Variants in EEF2K observed in about 807,000 individuals in gnomAD.
The protein encoded by EEF2K is alternative protein EEF2K.
EEF2K carries 70 observed loss-of-function variants against 93.8 expected under a neutral mutation model. The ratio of observed to expected loss-of-function variants is 0.75; its 90% CI spans 0.62 to 0.91. EEF2K has a LOEUF of 0.91. Ranked by LOEUF, EEF2K falls within the 40% of genes least tolerant of loss-of-function variation. The pLI is 0.00. For synonymous variants in EEF2K, 376 were observed against 380.8 expected (o/e 0.99, Z 0.15); for missense variants, 935 against 972.9 (o/e 0.96, Z 0.52).
intron 2 of EEF2K, among the ~76,000 whole-genome samples, chr16:22,230,355 A>G (rs567541053): frequency 6.6e-6 from 1 of 152,154 alleles, no homozygotes; most frequent in East Asian, 1.9e-4. Flanking sequence ...CTGGAACCAC[A>G]GGTGCACGCC....
At chr16:22,275,215 C>T (rs1415990867) in intron 16 of EEF2K, among the ~76,000 whole-genome samples, 1 of 151,964 alleles carries the variant, frequency 6.6e-6, no homozygotes, top group East Asian at 1.9e-4. Flanking sequence ...CCTTTGTCTA[C>T]CTTTTATTTC....
intron 13 of EEF2K, 38 bp from the exon 14 acceptor site, chr16:22,266,352 C>A: frequency 6.3e-7 from 1 of 1,593,042 alleles, no homozygotes; most frequent in Non-Finnish European, 8.6e-7. Flanking sequence ...GCGTCCACCC[C>A]CAGCCCCTCG....
rs566925627 is a variant in EEF2K at position 22,235,777 on chromosome 16, C to T, written c.247-8853C>T. ...CCTCCCAAAGTGTTGAGACTACAGG[C>T]GTGAGCCACCGCGTCTGGCCAGTTT... is the stretch of plus-strand genomic sequence containing the variant. On this transcript the variant is annotated intron_variant, in intron 2 of 17. Coordinates refer to ENST00000263026, the MANE Select transcript of EEF2K (RefSeq NM_013302.5). Among the ~76,000 whole-genome samples the T allele has an allele frequency of 2.6e-5, 4 of 151,246 alleles. No homozygotes were observed. In the East Asian group the frequency reaches 7.9e-4, roughly 30 times the overall value.
intron 10 of EEF2K, 98 bp from the exon 11 acceptor site, chr16:22,260,364 G>T: frequency 5.5e-6 from 6 of 1,097,406 alleles, no homozygotes; most frequent in South Asian, 1.6e-5. Flanking sequence ...AAAAAAAAAA[G>T]GCTTGGTGGC....
At chr16:22,232,532 G>C (rs1311946041) in intron 2 of EEF2K, among the ~76,000 whole-genome samples, 1 of 152,136 alleles carries the variant, frequency 6.6e-6, no homozygotes, top group East Asian at 1.9e-4. Context: ...GCCTGGCCCA[G>C]AGCCCAGATT....
chr16:22,266,633 G>A (rs1201008772), intron 14 of EEF2K, 55 bp from the exon 15 acceptor site: 1 of 1,587,140 alleles, frequency 6.3e-7, no homozygotes, highest in African/African-American at 1.3e-5. Context: ...GGGCGGTCTT[G>A]GGTGCGGCTT....
At position 22,250,702 on chromosome 16, in the gene EEF2K, C is replaced by G. The variant is rs1406344969; in HGVS notation, c.446+11C>G. ...GGAGTGCTTCCGGACGTAAGTGACT[C>G]AGCCTGGCTCTTGGGGCCCTGCCCA... On this transcript the variant is annotated intron_variant, in intron 5 of 17. Coordinates refer to ENST00000263026, the MANE Select transcript of EEF2K (RefSeq NM_013302.5). 6.2e-7 allele frequency: 1 copy of G among 1,614,070 alleles called. No homozygotes were observed. Among genetic ancestry groups the G allele is most frequent in the African/African-American group, 1.3e-5 (1 of 74,944 alleles).
At chr16:22,261,660 A>T (rs2047463719) in intron 11 of EEF2K, among the ~76,000 whole-genome samples, 1 of 151,394 alleles carries the variant, frequency 6.6e-6, no homozygotes, top group African/African-American at 2.4e-5. Context: ...ACTGCACTCC[A>T]ACCTGGGCGA....
intron 7 of EEF2K, 96 bp downstream of exon 7, chr16:22,256,993 T>C: frequency 1.9e-6 from 3 of 1,549,078 alleles, no homozygotes; most frequent in South Asian, 2.4e-5. Context: ...CCCTGTGGGC[T>C]TGGAGTCTCA....
chr16:22,208,310 G>A (rs148467398), intron 1 of EEF2K, among the ~76,000 whole-genome samples: 14 of 152,288 alleles, frequency 9.2e-5, no homozygotes, highest in East Asian at 1.9e-4. Context: ...ATCACTTGAG[G>A]TCAGGAGTTT....
chr16:22,283,799 GTTC>G (rs1378509273), intron 17 of EEF2K, 85 bp from the exon 18 acceptor site: 5 of 1,270,336 alleles, frequency 3.9e-6, no homozygotes, highest in African/African-American at 3.0e-5. Flanking sequence ...ACGTCAGGGT[GTTC>G]TTCTGGGAGG....
At chr16:22,236,467 G>A (rs2047168883) in intron 2 of EEF2K, among the ~76,000 whole-genome samples, 1 of 151,852 alleles carries the variant, frequency 6.6e-6, no homozygotes, top group Non-Finnish European at 1.5e-5. Context: ...GTAGAGGCAG[G>A]GTTTCGCAAT....
intron 2 of EEF2K, 88 bp downstream of exon 2, chr16:22,226,063 G>A (rs1159497045): frequency 3.9e-6 from 6 of 1,553,872 alleles, no homozygotes; most frequent in Middle Eastern, 1.9e-4. Context: ...GGACTTCTTC[G>A]TATTTCCAAA....
At chr16:22,243,778 C>G (rs898423593) in intron 2 of EEF2K, among the ~76,000 whole-genome samples, 5 of 150,608 alleles carry the variant, frequency 3.3e-5, no homozygotes, top group Admixed American at 3.3e-4. Flanking sequence ...CAAAAATTAG[C>G]CAGGTATAGT....
chr16:22,242,580 G>T (rs189759635), intron 2 of EEF2K, among the ~76,000 whole-genome samples: 2 of 151,872 alleles, frequency 1.3e-5, no homozygotes, highest in Admixed American at 1.3e-4. Context: ...CCAAAGTGCT[G>T]GGATTACAGG....
At chr16:22,259,156 G>A (rs907451657) in intron 10 of EEF2K, among the ~76,000 whole-genome samples, 1 of 152,164 alleles carries the variant, frequency 6.6e-6, no homozygotes, top group African/African-American at 2.4e-5. Flanking sequence ...TGATATTAAT[G>A]GGTCAAAGGA....
Position 22,285,161 on chromosome 16 carries a change from A to C in EEF2K, c.*1165A>C, listed in dbSNP as rs767681731. The C allele has an allele frequency of 6.6e-6, 1 of 152,568 alleles. No individual in the cohort carries two copies. The highest frequency in any genetic ancestry group is 1.5e-5 in the Non-Finnish European group (1 of 68,054). 9.5% of individuals were successfully genotyped at this position (152,568 alleles called of 1,614,324 possible). The stretch of plus-strand genomic sequence containing the variant: ...GAATGTGAGAGCCTTTTCTCCAAGC[A>C]GACCCACACTCTGCATCTCAGTGGC... On this transcript the variant is annotated 3_prime_UTR_variant, in exon 18 of 18. Coordinates refer to ENST00000263026, the MANE Select transcript of EEF2K (RefSeq NM_013302.5).
At chr16:22,263,217 G>A in intron 12 of EEF2K, 30 bp downstream of exon 12, 1 of 1,589,698 alleles carries the variant, frequency 6.3e-7, no homozygotes, top group Non-Finnish European at 8.6e-7. Context: ...TGAGACCGGT[G>A]TCACCTGTTG....
intron 2 of EEF2K, among the ~76,000 whole-genome samples, chr16:22,242,653 C>A (rs753552972): frequency 6.6e-6 from 1 of 151,812 alleles, no homozygotes; most frequent in Non-Finnish European, 1.5e-5. Flanking sequence ...TCTTTTGGGC[C>A]ATCATAATGA....
Sources: gnomAD v4.1 joint callset for allele counts (sites outside exome capture counted in the v4.1 genomes callset) on GRCh38, gnomAD v4.1.1 for gene constraint, MANE v1.5 for transcripts, NCBI Gene and HGNC (gene_info 2026-07-23, HGNC 2026-07-21) for gene names.